The following CORO2B variants were observed in gnomAD, a reference collection of about 807,000 sequenced individuals.
CORO2B encodes coronin 2B.
Under a neutral mutation model 58.8 loss-of-function variants are expected in CORO2B, and 26 were observed. The ratio of observed to expected loss-of-function variants is 0.44; its 90% CI spans 0.32 to 0.61. The LOEUF is 0.61. CORO2B is among the 20% of genes least tolerant of loss of function. The pLI, the probability that CORO2B is intolerant of heterozygous loss-of-function variation, is 0.04. For synonymous variants in CORO2B, 242 were observed against 253.8 expected, an observed-to-expected ratio of 0.95 and a Z score of 0.44; for missense variants, 460 against 645.1, an observed-to-expected ratio of 0.71 and a Z score of 3.11.
chr15:68,669,636 GA>G (rs1035941546), intron 2 of CORO2B, among the ~76,000 whole-genome samples: 7 of 151,436 alleles, frequency 4.6e-5, no homozygotes, highest in South Asian at 2.1e-4. Context: ...TGAGTTTCAG[GA>G]AAAAAAAATT....
At chr15:68,662,587 G>T (rs1480480138) in intron 2 of CORO2B, among the ~76,000 whole-genome samples, 2 of 152,204 alleles carry the variant, frequency 1.3e-5, no homozygotes, top group African/African-American at 2.4e-5. Context: ...TTGGAGAGAT[G>T]AATTGAATCA....
At chr15:68,610,602 A>G (rs1900226655) in intron 1 of CORO2B, among the ~76,000 whole-genome samples, 1 of 152,136 alleles carries the variant, frequency 6.6e-6, no homozygotes, top group East Asian at 1.9e-4. Flanking sequence ...AAATTTGTAG[A>G]AACCTAGTCC....
intron 2 of CORO2B, among the ~76,000 whole-genome samples, chr15:68,663,902 T>C (rs1902097696): frequency 6.6e-6 from 1 of 152,236 alleles, no homozygotes; most frequent in South Asian, 2.1e-4. Context: ...TTTGTGTGAA[T>C]TGTTTATATG....
intron 2 of CORO2B, among the ~76,000 whole-genome samples, chr15:68,678,137 G>A (rs578198395): frequency 5.9e-5 from 9 of 152,302 alleles, no homozygotes; most frequent in East Asian, 3.9e-4. Context: ...TACAGCACCC[G>A]TGCCACTGGC....
At chr15:68,531,527 G>T in the CORO2B span, among the ~76,000 whole-genome samples, 1 of 121,414 alleles carries the variant, frequency 8.2e-6, no homozygotes, top group African/African-American at 3.1e-5. Context: ...AAGGAAGGAA[G>T]GAAGGAAGGA....
intron 1 of CORO2B, among the ~76,000 whole-genome samples, chr15:68,623,272 G>A (rs576415959): frequency 9.8e-5 from 15 of 152,302 alleles, no homozygotes; most frequent in African/African-American, 3.1e-4. Context: ...TTTTAAGCCC[G>A]GGCCCATGCT....
intron 2 of CORO2B, among the ~76,000 whole-genome samples, chr15:68,647,684 C>T (rs1595987883): frequency 1.0e-5 from 1 of 97,562 alleles, no homozygotes; most frequent in Non-Finnish European, 1.9e-5. Context: ...ATCGAAACTC[C>T]ATCTCAAAAA....
chr15:68,531,550 AGGAAGGAAAGAAAG>A, the CORO2B span, among the ~76,000 whole-genome samples: 15 of 56,834 alleles, frequency 2.6e-4, no homozygotes, highest in Non-Finnish European at 5.8e-4. Context: ...GAAGGAAGGA[AGGAAGGAAAGAAAG>A]AGAAAGAAAG....
chr15:68,523,755 T>C, the CORO2B span, among the ~76,000 whole-genome samples: 2 of 152,162 alleles, frequency 1.3e-5, no homozygotes, highest in African/African-American at 4.8e-5. Flanking sequence ...CTGGCTTCTC[T>C]GCTTCTTTGT....
chr15:68,714,884 C>T (rs1567018781), intron 7 of CORO2B, among the ~76,000 whole-genome samples: 1 of 152,160 alleles, frequency 6.6e-6, no homozygotes, highest in Non-Finnish European at 1.5e-5. Flanking sequence ...CGGGCTTTTA[C>T]ATTGGAATAA....
intron 2 of CORO2B, among the ~76,000 whole-genome samples, chr15:68,678,458 G>A (rs932209255): frequency 1.4e-4 from 21 of 152,140 alleles, no homozygotes; most frequent in Non-Finnish European, 2.1e-4. Context: ...CAGATCACCT[G>A]AGGTCAGGAG....
intron 1 of CORO2B, among the ~76,000 whole-genome samples, chr15:68,583,168 G>A (rs1330770446): frequency 6.6e-6 from 1 of 152,186 alleles, no homozygotes; most frequent in African/African-American, 2.4e-5. Flanking sequence ...CCTGCTGAAT[G>A]TGAAAGGACT....
chr15:68,543,552 G>A, the CORO2B span, among the ~76,000 whole-genome samples: 1 of 152,060 alleles, frequency 6.6e-6, no homozygotes, highest in Non-Finnish European at 1.5e-5. Flanking sequence ...CCACCCCAGG[G>A]TCTTGTGAGA....
At chr15:68,634,471 GA>G (rs1202436018) in intron 1 of CORO2B, among the ~76,000 whole-genome samples, 8 of 152,262 alleles carry the variant, frequency 5.3e-5, no homozygotes, top group African/African-American at 1.9e-4. Context: ...ACTATCCTAG[GA>G]AAAATATGAA....
At chr15:68,655,903 T>A (rs1335087298) in intron 2 of CORO2B, among the ~76,000 whole-genome samples, 1 of 152,056 alleles carries the variant, frequency 6.6e-6, no homozygotes, top group Non-Finnish European at 1.5e-5. Flanking sequence ...CAAAAATGAT[T>A]TAGGGTGCAG....
rs185467864 is a variant in CORO2B at position 68,636,330 on chromosome 15, C to T, written c.16-8830C>T. 1.8e-4 allele frequency among the ~76,000 whole-genome samples: 27 copies of T among 152,246 alleles called. No individual in the cohort carries two copies. The East Asian group carries it at 4.6e-3, about 26-fold the overall frequency. Reference sequence around the variant, plus strand: ...GGCTACAGCCTTCTCCTTACATGTCCGGCCTTGTTCACCAGAGCAGGAAAG... The same window carrying T: ...GGCTACAGCCTTCTCCTTACATGTCTGGCCTTGTTCACCAGAGCAGGAAAG... On this transcript the variant is annotated intron_variant, in intron 1 of 11. Coordinates refer to ENST00000261861, the MANE Select transcript of CORO2B (RefSeq NM_006091.5).
chr15:68,682,113 G>A (rs1902811336), intron 2 of CORO2B, among the ~76,000 whole-genome samples: 1 of 152,136 alleles, frequency 6.6e-6, no homozygotes, highest in African/African-American at 2.4e-5. Flanking sequence ...TTTCATGGTA[G>A]GGCACTGCAT....
At chr15:68,632,676 C>T (rs566416599) in intron 1 of CORO2B, among the ~76,000 whole-genome samples, 1 of 152,290 alleles carries the variant, frequency 6.6e-6, no homozygotes, top group South Asian at 2.1e-4. Flanking sequence ...CTGCATCCTC[C>T]ACCTCCCTGG....
intron 2 of CORO2B, among the ~76,000 whole-genome samples, chr15:68,650,324 T>A (rs1335382942): frequency 7.8e-6 from 1 of 128,576 alleles, no homozygotes; most frequent in African/African-American, 3.2e-5. Context: ...GCCACTGCTC[T>A]CCAGCCTGGG....
Sources: gnomAD v4.1 joint callset for allele counts (sites outside exome capture counted in the v4.1 genomes callset) on GRCh38, gnomAD v4.1.1 for gene constraint, MANE v1.5 for transcripts, NCBI Gene and HGNC (gene_info 2026-07-23, HGNC 2026-07-21) for gene names.